The following SH3BP4 variants were observed in gnomAD, a reference collection of about 807,000 sequenced individuals.
The protein encoded by SH3BP4 is SH3 domain binding protein 4.
SH3BP4 carries 33 observed loss-of-function variants against 65.5 expected under a neutral mutation model. That is an observed-to-expected ratio of 0.50 (90% CI 0.38 to 0.67). The LOEUF (loss-of-function observed/expected upper bound fraction) is 0.67. Ranked by LOEUF, SH3BP4 falls within the 30% of genes least tolerant of loss-of-function variation. SH3BP4 has a pLI of 0.00. For missense variants in SH3BP4, 1,134 were observed against 1,261.4 expected, an observed-to-expected ratio of 0.90 and a Z score of 1.53; for synonymous variants, 552 against 545.5, an observed-to-expected ratio of 1.01 and a Z score of -0.17.
chr2:234,992,677 G>C (rs1435511123), intron 1 of SH3BP4, among the ~76,000 whole-genome samples: 1 of 145,980 alleles, frequency 6.9e-6, no homozygotes, highest in Non-Finnish European at 1.5e-5. Flanking sequence ...TGGGTCTGGA[G>C]ACCCTGGAGA....
intron 1 of SH3BP4, among the ~76,000 whole-genome samples, chr2:234,980,180 A>T (rs941489153): frequency 6.6e-6 from 1 of 152,160 alleles, no homozygotes; most frequent in Non-Finnish European, 1.5e-5. Context: ...CCTTATCTGC[A>T]GGGGATACAG....
intron 1 of SH3BP4, among the ~76,000 whole-genome samples, chr2:234,993,991 C>A (rs747317754): frequency 1.3e-5 from 2 of 152,146 alleles, no homozygotes; most frequent in Non-Finnish European, 2.9e-5. Flanking sequence ...CACATTGTTG[C>A]GGCCTTTTTC....
At chr2:235,038,373 ATACATAT>A (rs1191915492) in intron 3 of SH3BP4, among the ~76,000 whole-genome samples, 6 of 41,968 alleles carry the variant, frequency 1.4e-4, no homozygotes, top group African/African-American at 9.7e-4. Context: ...TATAATATAT[ATACATAT>A]ATATATATAT....
In SH3BP4 at chr2:235,010,784, C is replaced by A. The variant is rs1434196839; in HGVS notation, c.-133+15408C>A. Among the ~76,000 whole-genome samples, 120 of 132,204 alleles carry A rather than the reference C, an allele frequency of 9.1e-4. 42 individuals carry two copies. The highest frequency in any genetic ancestry group is 3.3e-3 in the Admixed American group (43 of 13,126). The allele number at this position is 132,204 out of a possible 152,430, so 86.7% of individuals were successfully genotyped here. The stretch of plus-strand genomic sequence containing the variant: ...CCCTCTCCTAGGAGAACCCTTCCTC[C>A]CTCTCCTAGGAGAAACCTTCCTCCC... On this transcript the variant is annotated intron_variant, in intron 2 of 5. Coordinates refer to ENST00000392011, the MANE Select transcript of SH3BP4 (RefSeq NM_014521.3).
Position 234,974,349 on chromosome 2 carries a change from G to A in SH3BP4, c.-206-20954G>A, listed in dbSNP as rs894750101. Among the ~76,000 whole-genome samples, 1 of 151,934 alleles carries A rather than the reference G, an allele frequency of 6.6e-6. No individual in the cohort carries two copies. The highest frequency in any genetic ancestry group is 1.5e-5 in the Non-Finnish European group (1 of 67,990). ...TATTGCACTCCAGCCTGGGCAAAGAGCGAAACTCTGTCTAAAAAAAAATAA... is the reference window on the plus strand; with the variant it reads ...TATTGCACTCCAGCCTGGGCAAAGAACGAAACTCTGTCTAAAAAAAAATAA... On this transcript the variant is annotated intron_variant, in intron 1 of 5. Transcript: ENST00000392011. This position sits in a 1 kb window ranked among gnomAD's most constrained non-coding sequence, Gnocchi z 4.6.
In SH3BP4 at chr2:235,038,400, T is replaced by C. The variant is rs1253702579; in HGVS notation, c.119-2488T>C. ...ACATATATATATATATATATATATA[T>C]ATATATATATATATATGAGGTATGT... On this transcript the variant is annotated intron_variant, in intron 3 of 5. Coordinates refer to ENST00000392011, the MANE Select transcript of SH3BP4 (RefSeq NM_014521.3). 1.3e-3 allele frequency among the ~76,000 whole-genome samples: 107 copies of C among 83,244 alleles called. 8 individuals carry two copies. Among genetic ancestry groups the C allele is most frequent in the Non-Finnish European group, 1.8e-3 (80 of 44,114 alleles). The allele number at this position is 83,244 out of a possible 152,430, so 54.6% of individuals were successfully genotyped here. A position where few individuals can be genotyped will look rare whatever the true frequency, so the allele number is the denominator to read the frequency against.
At chr2:235,014,235 G>A (rs568350022) in intron 2 of SH3BP4, among the ~76,000 whole-genome samples, 3 of 152,288 alleles carry the variant, frequency 2.0e-5, no homozygotes, top group South Asian at 2.1e-4. Context: ...GAGCAGGATC[G>A]GGCGATGCCG....
rs1477264733 is a variant in SH3BP4, at chr2:235,030,289, T to C, written c.-132-4582T>C. Among the ~76,000 whole-genome samples the C allele has an allele frequency of 6.6e-6, 1 of 151,966 alleles. No individual in the cohort carries two copies. Among genetic ancestry groups the C allele is most frequent in the African/African-American group, 2.4e-5 (1 of 41,372 alleles). On this transcript the variant is annotated intron_variant, in intron 2 of 5. Coordinates refer to ENST00000392011, the MANE Select transcript of SH3BP4 (RefSeq NM_014521.3). This position sits in a 1 kb window ranked among gnomAD's most constrained non-coding sequence, Gnocchi z 4.1. ...GAGCAACTCTGGGCGTGGGAAGAAATAGTTAGCAAGACTGGGAGCAGAGAG... is the reference window on the plus strand; with the variant it reads ...GAGCAACTCTGGGCGTGGGAAGAAACAGTTAGCAAGACTGGGAGCAGAGAG...
chr2:235,032,822 G>A (rs1695247998), intron 2 of SH3BP4, among the ~76,000 whole-genome samples: 1 of 152,140 alleles, frequency 6.6e-6, no homozygotes, highest in African/African-American at 2.4e-5. Flanking sequence ...GCCAGCCAGG[G>A]AGTCTCGGTC....
chr2:234,998,679 T>TGGAAGAGCA (rs1464146337), intron 2 of SH3BP4, among the ~76,000 whole-genome samples: 1 of 152,250 alleles, frequency 6.6e-6, no homozygotes, highest in African/African-American at 2.4e-5. Flanking sequence ...GTCATCACCC[T>TGGAAGAGCA]GGAAGAGCAC....
chr2:235,017,464 G>A (rs10929081), intron 2 of SH3BP4, among the ~76,000 whole-genome samples: 15,454 of 144,266 alleles, frequency 0.11, 1,220 homozygotes, highest in East Asian at 0.28. Flanking sequence ...AAAAAAAAAA[G>A]AAATCCTTTC....
Position 234,978,400 on chromosome 2 carries a change from C to A in SH3BP4, c.-206-16903C>A, listed in dbSNP as rs990503567. 1.3e-5 allele frequency among the ~76,000 whole-genome samples: 2 copies of A among 152,198 alleles called. No homozygotes were observed. The highest frequency in any genetic ancestry group is 4.8e-5 in the African/African-American group (2 of 41,452). Reference sequence around the variant, plus strand: ...AGGAGGGTGGGTAAAAATGCAGGGTCCTCCTCACTGCAGTCACTGCGGGAC... The same window carrying A: ...AGGAGGGTGGGTAAAAATGCAGGGTACTCCTCACTGCAGTCACTGCGGGAC... On this transcript the variant is annotated intron_variant, in intron 1 of 5. Coordinates refer to ENST00000392011, the MANE Select transcript of SH3BP4 (RefSeq NM_014521.3). This position sits in a 1 kb window ranked among gnomAD's most constrained non-coding sequence, Gnocchi z 4.1.
In SH3BP4 at chr2:235,054,483, T is replaced by G. The variant is rs1696165678; in HGVS notation, c.*667T>G. 6.6e-6 allele frequency: 1 copy of G among 152,306 alleles called. No individual in the cohort carries two copies. Among genetic ancestry groups the G allele is most frequent in the South Asian group, 2.1e-4 (1 of 4,832 alleles). The allele number at this position is 152,306 out of a possible 1,614,324, so 9.4% of individuals were successfully genotyped here. A position where few individuals can be genotyped will look rare whatever the true frequency, so the allele number is the denominator to read the frequency against. ...AGTAAATGACCATCCATAGAATATG[T>G]GAATCTTTGGTGAGCTTCAGTGGGC... On this transcript the variant is annotated 3_prime_UTR_variant, in exon 6 of 6. Transcript: ENST00000392011.
At chr2:234,958,117 A>T (rs1692629811) in intron 1 of SH3BP4, among the ~76,000 whole-genome samples, 1 of 152,128 alleles carries the variant, frequency 6.6e-6, no homozygotes, top group African/African-American at 2.4e-5. Context: ...AGCTGTTCTC[A>T]GATATTAAAG....
intron 2 of SH3BP4, among the ~76,000 whole-genome samples, chr2:235,006,917 G>A (rs769545054): frequency 1.3e-5 from 2 of 152,030 alleles, no homozygotes; most frequent in Non-Finnish European, 2.9e-5. Flanking sequence ...GGGGTGCCAC[G>A]CCGCATCTGT....
In SH3BP4 at chr2:234,984,133, T is replaced by G. The variant is rs1693473965; in HGVS notation, c.-206-11170T>G. Among the ~76,000 whole-genome samples the G allele has an allele frequency of 2.6e-5, 4 of 152,218 alleles. No homozygotes were observed. The South Asian group carries it at 8.3e-4, about 31-fold the overall frequency. On this transcript the variant is annotated intron_variant, in intron 1 of 5. Transcript: ENST00000392011. ...TCCAGGCCTAGCTAAGGGTCAGGAA[T>G]CCCTGCTCTGGCAGTTGTCCTCAGC...
rs1431650291 is a variant in SH3BP4, at chr2:235,026,764, C to T, written c.-132-8107C>T. 3.3e-5 allele frequency among the ~76,000 whole-genome samples: 5 copies of T among 152,088 alleles called. No individual in the cohort carries two copies. The highest frequency in any genetic ancestry group is 4.2e-4 in the South Asian group (2 of 4,806). On this transcript the variant is annotated intron_variant, in intron 2 of 5. Coordinates refer to ENST00000392011, the MANE Select transcript of SH3BP4 (RefSeq NM_014521.3). The surrounding 1 kb of genome is among the most constrained non-coding windows in gnomAD (Gnocchi z 4.6). Reference sequence around the variant, plus strand: ...TGGCGTGGTCTTGGCTCTGAATAACCGCTGCTACCTCCTAAATTGAACTCA... The same window carrying T: ...TGGCGTGGTCTTGGCTCTGAATAACTGCTGCTACCTCCTAAATTGAACTCA...
rs1055765177 is a variant in SH3BP4, at chr2:234,967,943, C to T, written c.-207+15773C>T. Among the ~76,000 whole-genome samples, 10 of 152,106 alleles carry T rather than the reference C, an allele frequency of 6.6e-5. No individual in the cohort carries two copies. Among genetic ancestry groups the T allele is most frequent in the Non-Finnish European group, 1.3e-4 (9 of 68,022 alleles). On this transcript the variant is annotated intron_variant, in intron 1 of 5. Transcript: ENST00000392011. The surrounding 1 kb of genome is among the most constrained non-coding windows in gnomAD (Gnocchi z 4.6). ...GTTCATCTAAGAGTTAGTGCAGGACCGGAAGCTCCCACCCAGATGGTGAAG... is the reference window on the plus strand; with the variant it reads ...GTTCATCTAAGAGTTAGTGCAGGACTGGAAGCTCCCACCCAGATGGTGAAG...
At position 235,034,381 on chromosome 2, in the gene SH3BP4, G is replaced by A. The variant is rs1177499465; in HGVS notation, c.-132-490G>A. On this transcript the variant is annotated intron_variant, in intron 2 of 5. Coordinates refer to ENST00000392011, the MANE Select transcript of SH3BP4 (RefSeq NM_014521.3). The surrounding 1 kb of genome is among the most constrained non-coding windows in gnomAD (Gnocchi z 6.2). ...ATTGGGTAGGGAGCATCACCCTTGG[G>A]GCCTCTGCTGGGCTGTGTTCATTGA... Among the ~76,000 whole-genome samples the A allele has an allele frequency of 2.6e-5, 4 of 152,098 alleles. No homozygotes were observed.
Sources: allele counts gnomAD v4.1 joint callset (sites outside exome capture counted in the v4.1 genomes callset), GRCh38; gene constraint gnomAD v4.1.1; non-coding constraint Gnocchi (gnomAD v3.1); transcripts MANE v1.5; gene names NCBI Gene and HGNC (gene_info 2026-07-23, HGNC 2026-07-21).